The following HS3ST2 variants were observed in gnomAD, a reference collection of about 807,000 sequenced individuals.
The protein encoded by HS3ST2 is heparan sulfate glucosamine 3-O-sulfotransferase 2.
A neutral mutation model predicts 26.3 loss-of-function variants in HS3ST2; 17 were observed. The observed-to-expected ratio is 0.65, with a 90% confidence interval of 0.44 to 0.97. The LOEUF (loss-of-function observed/expected upper bound fraction) is 0.97, where lower values mean the gene tolerates loss of function less well. HS3ST2 is among the 50% of genes least tolerant of loss of function. The probability of loss-of-function intolerance (pLI) is 0.00; values close to 1 mark genes in which losing one functional copy is unlikely to be tolerated. For missense variants in HS3ST2, 402 were observed against 501.2 expected (o/e 0.80, Z 1.89); for synonymous variants, 237 against 219.2 (o/e 1.08, Z -0.72).
chr16:22,819,451 CTG>C (rs922949060), intron 1 of HS3ST2, among the ~76,000 whole-genome samples: 2 of 152,124 alleles, frequency 1.3e-5, no homozygotes, highest in African/African-American at 4.8e-5. Context: ...ATAAGCTTTG[CTG>C]TGTGTAGTAG....
At chr16:22,868,036 TTGTG>T (rs1230768587) in intron 1 of HS3ST2, among the ~76,000 whole-genome samples, 2 of 152,298 alleles carry the variant, frequency 1.3e-5, no homozygotes, top group Admixed American at 1.3e-4. Flanking sequence ...TGCGCTCAAT[TTGTG>T]TGATTCTGCT....
intron 1 of HS3ST2, among the ~76,000 whole-genome samples, chr16:22,853,675 T>C (rs1040046619): frequency 6.6e-6 from 1 of 152,250 alleles, no homozygotes; most frequent in South Asian, 2.1e-4. Flanking sequence ...GGAAGTCAGC[T>C]TCCCTCTTTC....
intron 1 of HS3ST2, among the ~76,000 whole-genome samples, chr16:22,840,428 G>C (rs943970482): frequency 8.6e-5 from 13 of 151,914 alleles, no homozygotes; most frequent in Non-Finnish European, 1.2e-4. Flanking sequence ...TGTCACCCAG[G>C]CTGGAGTTAA....
At chr16:22,903,524 G>A (rs995169592) in intron 1 of HS3ST2, among the ~76,000 whole-genome samples, 12 of 152,314 alleles carry the variant, frequency 7.9e-5, no homozygotes, top group African/African-American at 2.6e-4. Flanking sequence ...GCCTGTAGCT[G>A]AAAGTAGCTG....
intron 1 of HS3ST2, among the ~76,000 whole-genome samples, chr16:22,853,246 A>T (rs1465520362): frequency 1.3e-5 from 2 of 152,100 alleles, no homozygotes; most frequent in Non-Finnish European, 2.9e-5. Context: ...ATCACCAAAG[A>T]TTAATTTTGC....
At chr16:22,912,804 C>A (rs1327601586) in intron 1 of HS3ST2, among the ~76,000 whole-genome samples, 1 of 152,096 alleles carries the variant, frequency 6.6e-6, no homozygotes, top group Non-Finnish European at 1.5e-5. Flanking sequence ...GGGATGGTCA[C>A]CTCGGGGCGT....
intron 1 of HS3ST2, among the ~76,000 whole-genome samples, chr16:22,905,284 G>A (rs953141085): frequency 3.9e-5 from 6 of 152,222 alleles, no homozygotes; most frequent in Non-Finnish European, 1.5e-5. Context: ...GCTTGCATGT[G>A]CAAGGGATGA....
At chr16:22,838,980 C>G (rs1901314128) in intron 1 of HS3ST2, among the ~76,000 whole-genome samples, 2 of 152,218 alleles carry the variant, frequency 1.3e-5, no homozygotes, top group Non-Finnish European at 2.9e-5. Flanking sequence ...CTGCACAGCA[C>G]AAGCCAACAC....
intron 1 of HS3ST2, among the ~76,000 whole-genome samples, chr16:22,874,024 T>C (rs1369045527): frequency 6.6e-6 from 1 of 152,130 alleles, no homozygotes; most frequent in African/African-American, 2.4e-5. Context: ...TTTTCAAGTG[T>C]CTGCATGTGC....
At chr16:22,825,161 A>T (rs460093) in intron 1 of HS3ST2, among the ~76,000 whole-genome samples, 21,914 of 152,158 alleles carry the variant, frequency 0.14, 1,712 homozygotes, top group East Asian at 0.22. Context: ...ATGCAAGGTG[A>T]GTGTGTGTGC....
At chr16:22,863,172 AT>A (rs1332001125) in intron 1 of HS3ST2, among the ~76,000 whole-genome samples, 1 of 152,258 alleles carries the variant, frequency 6.6e-6, no homozygotes, top group East Asian at 1.9e-4. Flanking sequence ...ATGTTTGAGA[AT>A]GATATACTTC....
At chr16:22,859,073 G>A (rs1462145364) in intron 1 of HS3ST2, among the ~76,000 whole-genome samples, 6 of 152,170 alleles carry the variant, frequency 3.9e-5, no homozygotes, top group Non-Finnish European at 8.8e-5. Flanking sequence ...GGCTGAGGTG[G>A]GAGGATCCCT....
At chr16:22,844,428 A>T (rs758690714) in intron 1 of HS3ST2, among the ~76,000 whole-genome samples, 1 of 152,046 alleles carries the variant, frequency 6.6e-6, no homozygotes, top group East Asian at 1.9e-4. Context: ...CCTTTATAAG[A>T]TTCCCAACTC....
At chr16:22,894,416 A>G (rs1160707721) in intron 1 of HS3ST2, among the ~76,000 whole-genome samples, 2 of 151,980 alleles carry the variant, frequency 1.3e-5, no homozygotes, top group African/African-American at 4.8e-5. Context: ...CTTTCTAGAG[A>G]CCTCTAACAT....
At chr16:22,859,673 C>T (rs992654934) in intron 1 of HS3ST2, among the ~76,000 whole-genome samples, 1 of 152,148 alleles carries the variant, frequency 6.6e-6, no homozygotes, top group African/African-American at 2.4e-5. Context: ...TCAAAATTCC[C>T]ACTGCTAGGC....
intron 1 of HS3ST2, among the ~76,000 whole-genome samples, chr16:22,910,925 G>A (rs2141749064): frequency 6.6e-6 from 1 of 152,276 alleles, no homozygotes; most frequent in South Asian, 2.1e-4. Flanking sequence ...GAGGCAGGTT[G>A]AAGGAGTTGA....
At chr16:22,913,218 A>C (rs975978495) in intron 1 of HS3ST2, among the ~76,000 whole-genome samples, 1 of 149,558 alleles carries the variant, frequency 6.7e-6, no homozygotes, top group Non-Finnish European at 1.5e-5. Context: ...GGGTAGTTCT[A>C]ACGCGCAGCC....
chr16:22,837,512 TATATATATACAC>T (rs922544805), intron 1 of HS3ST2, among the ~76,000 whole-genome samples: 11 of 147,630 alleles, frequency 7.5e-5, no homozygotes, highest in Admixed American at 2.7e-4. Context: ...TATATATGTG[TATATATATACAC>T]ATATATATAC....
At chr16:22,815,753 GCAA>G (rs1185303153) in intron 1 of HS3ST2, among the ~76,000 whole-genome samples, 2 of 152,166 alleles carry the variant, frequency 1.3e-5, no homozygotes, top group Non-Finnish European at 2.9e-5. Flanking sequence ...TTAAGCTTGA[GCAA>G]GTTTCTTAAA....
Sources: gnomAD v4.1 joint callset for allele counts (sites outside exome capture counted in the v4.1 genomes callset) on GRCh38, gnomAD v4.1.1 for gene constraint, MANE v1.5 for transcripts, NCBI Gene and HGNC (gene_info 2026-07-23, HGNC 2026-07-21) for gene names.